The following NDUFC1 variants were observed in gnomAD, a reference collection of about 807,000 sequenced individuals.
The protein encoded by NDUFC1 is NADH dehydrogenase [ubiquinone] 1 subunit C1, mitochondrial.
In NDUFC1, 11 loss-of-function variants were observed where a neutral mutation model predicts 11.6. The ratio of observed to expected loss-of-function variants is 0.95; its 90% CI spans 0.60 to 1.58. NDUFC1 has a LOEUF of 1.58. Among genes scored for constraint, NDUFC1 ranks in the 40% most tolerant of loss-of-function variants. The pLI is 0.00. For synonymous variants in NDUFC1, 52 were observed against 42.2 expected (o/e 1.23, Z -0.90); for missense variants, 112 against 93.0 (o/e 1.20, Z -0.84).
chr4:139,295,584 A>G, intron 3 of NDUFC1, 148 bp downstream of exon 3: 1 of 780,088 alleles, frequency 1.3e-6, no homozygotes, highest in Non-Finnish European at 2.0e-6. Flanking sequence ...CGTAGGGGAC[A>G]GGCGTGGGCT....
chr4:139,301,312 G>C (rs1745716347), intron 1 of NDUFC1: 1 of 392,094 alleles, frequency 2.6e-6, no homozygotes, highest in Non-Finnish European at 4.5e-6. Context: ...GTAGCTCCGC[G>C]GGCGCTTCGA....
rs1032508246 is a variant in NDUFC1 at position 139,295,941 on chromosome 4, C to G, written c.-143G>C. The G allele has an allele frequency of 2.6e-6, 2 of 759,896 alleles. No homozygotes were observed. The highest frequency in any genetic ancestry group is 6.3e-5 in the Admixed American group (2 of 31,574). The allele number at this position is 759,896 out of a possible 1,614,324, so 47.1% of individuals were successfully genotyped here. On this transcript the variant is annotated 5_prime_UTR_variant, in exon 3 of 6. Coordinates refer to ENST00000394223, the MANE Select transcript of NDUFC1 (RefSeq NM_001184989.2). Reference sequence around the variant, plus strand: ...TCCAGCACGGCAAGGTTCTCTAGCACCCCGGCCTCAGCCTTCTGTCTATAC... The same window carrying G: ...TCCAGCACGGCAAGGTTCTCTAGCAGCCCGGCCTCAGCCTTCTGTCTATAC...
Position 139,298,909 on chromosome 4 carries a change from A to G in NDUFC1, c.-221-1466T>C, listed in dbSNP as rs1301030363. The stretch of plus-strand genomic sequence containing the variant: ...AGGTTGGTCTCAAACTTCTGGGCTC[A>G]AGCGATCTTCCTGCCTCAGCCTCCC... On this transcript the variant is annotated intron_variant, in intron 1 of 5. Transcript: ENST00000394223. Among the ~76,000 whole-genome samples, 7 of 152,028 alleles carry G rather than the reference A, an allele frequency of 4.6e-5. No individual in the cohort carries two copies. The East Asian group carries it at 1.3e-3, about 29-fold the overall frequency.
chr4:139,294,684 G>A (rs754545747), intron 4 of NDUFC1, among the ~76,000 whole-genome samples: 10 of 149,252 alleles, frequency 6.7e-5, no homozygotes, highest in Non-Finnish European at 1.5e-4. Context: ...TCAGTGAGCC[G>A]AGATCACGCC....
At chr4:139,291,928 C>T (rs1292520044) in intron 5 of NDUFC1, among the ~76,000 whole-genome samples, 2 of 151,820 alleles carry the variant, frequency 1.3e-5, no homozygotes, top group Non-Finnish European at 1.5e-5. Flanking sequence ...ACTCTGCCTC[C>T]CGGGTTCACG....
chr4:139,290,629 C>CAA (rs1745172411), intron 5 of NDUFC1, among the ~76,000 whole-genome samples: 1 of 151,610 alleles, frequency 6.6e-6, no homozygotes, highest in African/African-American at 2.4e-5. Flanking sequence ...TTAATCAACC[C>CAA]AATTATGAAA....
Position 139,298,602 on chromosome 4 carries a change from A to C in NDUFC1, c.-221-1159T>G, listed in dbSNP as rs1018617911. The stretch of plus-strand genomic sequence containing the variant: ...AATCCTGTCTATACACACACACAAA[A>C]AAAACCCAGAAGCAATAGCAAATTG... On this transcript the variant is annotated intron_variant, in intron 1 of 5. Coordinates refer to ENST00000394223, the MANE Select transcript of NDUFC1 (RefSeq NM_001184989.2). Among the ~76,000 whole-genome samples the C allele has an allele frequency of 7.9e-5, 12 of 152,140 alleles. No homozygotes were observed. In the East Asian group the frequency reaches 9.6e-4, roughly 12 times the overall value.
intron 3 of NDUFC1, 106 bp downstream of exon 3, chr4:139,295,626 T>C: frequency 3.1e-6 from 4 of 1,295,346 alleles, no homozygotes; most frequent in Non-Finnish European, 4.2e-6. Flanking sequence ...CGAAGGTCAC[T>C]GCAGGACGAA....
chr4:139,293,884 G>A (rs1051295990), intron 4 of NDUFC1, among the ~76,000 whole-genome samples: 5 of 143,742 alleles, frequency 3.5e-5, no homozygotes, highest in Admixed American at 1.4e-4. Context: ...ACGTAGTGTT[G>A]TTGAAATGAT....
At chr4:139,297,920 A>G (rs1359438384) in intron 1 of NDUFC1, among the ~76,000 whole-genome samples, 2 of 152,142 alleles carry the variant, frequency 1.3e-5, no homozygotes, top group Non-Finnish European at 2.9e-5. Context: ...TTTTTAAAAA[A>G]TTAGCTGGGT....
intron 4 of NDUFC1, among the ~76,000 whole-genome samples, chr4:139,293,171 T>C (rs906908722): frequency 2.0e-5 from 3 of 152,230 alleles, no homozygotes; most frequent in Admixed American, 2.0e-4. Flanking sequence ...TGGTGGGTAA[T>C]AAACGTAATG....
rs1560940440 is a variant in NDUFC1 at position 139,295,037 on chromosome 4, A to G, written c.171+6T>C. The stretch of plus-strand genomic sequence containing the variant: ...GTCTCACGACATCCGGGAGTAAAGT[A>G]CTTACATAGATCCACAAGAAGACAG... On this transcript the variant is annotated splice_donor_region_variant and intron_variant, in intron 4 of 5. Transcript: ENST00000394223. 1 of 1,610,264 alleles carries G rather than the reference A, an allele frequency of 6.2e-7. No homozygotes were observed. Among genetic ancestry groups the G allele is most frequent in the Admixed American group, 1.7e-5 (1 of 59,998 alleles).
chr4:139,301,052 A>T (rs1745697663), intron 1 of NDUFC1: 1 of 152,882 alleles, frequency 6.5e-6, no homozygotes, highest in Non-Finnish European at 1.5e-5. Flanking sequence ...GGCTGTTAAC[A>T]AGTCTCCACT....
At chr4:139,290,838 C>T (rs1745181312) in intron 5 of NDUFC1, among the ~76,000 whole-genome samples, 1 of 151,060 alleles carries the variant, frequency 6.6e-6, no homozygotes, top group South Asian at 2.1e-4. Flanking sequence ...GTTCTGTTGC[C>T]CAGGCTGGCT....
rs1261114991 is a variant in NDUFC1, at chr4:139,295,839, A to C, written c.-41T>G. On this transcript the variant is annotated 5_prime_UTR_variant, in exon 3 of 6. Coordinates refer to ENST00000394223, the MANE Select transcript of NDUFC1 (RefSeq NM_001184989.2). ...TCAGTCTCTCCGAGTTGGCAACAGA[A>C]CCAGCGCCACCTGGCGGCCGGAAGT... 2 of 1,533,778 alleles carry C rather than the reference A, an allele frequency of 1.3e-6. No individual in the cohort carries two copies. The highest frequency in any genetic ancestry group is 1.8e-6 in the Non-Finnish European group (2 of 1,139,482).
At chr4:139,292,416 T>G (rs1745267039) in intron 5 of NDUFC1, 114 bp downstream of exon 5, 1 of 406,702 alleles carries the variant, frequency 2.5e-6, no homozygotes, top group South Asian at 7.1e-5. Context: ...GAAATATGGG[T>G]GCTAAAATGT....
chr4:139,292,339 A>AC lies in NDUFC1; in HGVS notation c.*20+190_*20+191insG, dbSNP rs1745261763. On this transcript the variant is annotated intron_variant, in intron 5 of 5. Transcript: ENST00000394223. Reference sequence around the variant, plus strand: ...ACAAACAACAAACAAAAAAAACCCCATCCCCCCCAAAACAAAACCAACTGC... The same window carrying AC: ...ACAAACAACAAACAAAAAAAACCCCACTCCCCCCCAAAACAAAACCAACTGC... Among the ~76,000 whole-genome samples, 9 of 146,052 alleles carry AC rather than the reference A, an allele frequency of 6.2e-5. 1 individual carries two copies. Among genetic ancestry groups the AC allele is most frequent in the South Asian group, 4.2e-4 (2 of 4,716 alleles).
Position 139,290,082 on chromosome 4 carries a change from A to G in NDUFC1, c.*31T>C, listed in dbSNP as rs1391825112. The G allele has an allele frequency of 2.0e-5, 3 of 151,992 alleles. No homozygotes were observed. The highest frequency in any genetic ancestry group is 4.4e-5 in the Non-Finnish European group (3 of 67,998). 9.4% of individuals were successfully genotyped at this position (151,992 alleles called of 1,614,324 possible). On this transcript the variant is annotated 3_prime_UTR_variant, in exon 6 of 6. Coordinates refer to ENST00000394223, the MANE Select transcript of NDUFC1 (RefSeq NM_001184989.2). ...CCAGAGGAACAGCTACAATCACTAT[A>G]CGGAGCATACCTATAATGAAGAAAA...
intron 1 of NDUFC1, among the ~76,000 whole-genome samples, chr4:139,298,600 A>G (rs13120761): frequency 6.6e-6 from 1 of 151,806 alleles, no homozygotes; most frequent in Admixed American, 6.6e-5. Context: ...CACACACACA[A>G]AAAAAACCCA....
Sources: allele counts gnomAD v4.1 joint callset (sites outside exome capture counted in the v4.1 genomes callset), GRCh38; gene constraint gnomAD v4.1.1; transcripts MANE v1.5; gene names NCBI Gene and HGNC (gene_info 2026-07-23, HGNC 2026-07-21).